Variants in GRAMD1B observed in about 807,000 individuals in gnomAD.
GRAMD1B encodes protein Aster-B.
GRAMD1B carries 37 observed loss-of-function variants against 99.7 expected under a neutral mutation model. The ratio of observed to expected loss-of-function variants is 0.37; its 90% CI spans 0.29 to 0.49. GRAMD1B has a LOEUF of 0.49. Ranked by LOEUF, GRAMD1B falls within the 20% of genes least tolerant of loss-of-function variation. The pLI is 0.98. For synonymous variants in GRAMD1B, 427 were observed against 387.6 expected, an observed-to-expected ratio of 1.10 and a Z score of -1.19; for missense variants, 888 against 1,009.2, an observed-to-expected ratio of 0.88 and a Z score of 1.63.
At chr11:123,480,129 A>G (rs1376096112) in intron 1 of GRAMD1B, among the ~76,000 whole-genome samples, 1 of 152,224 alleles carries the variant, frequency 6.6e-6, no homozygotes, top group Non-Finnish European at 1.5e-5. Context: ...CCGTATTATT[A>G]TAAGATATGA....
At chr11:123,501,810 T>C (rs1267183727) in intron 2 of GRAMD1B, among the ~76,000 whole-genome samples, 1 of 152,246 alleles carries the variant, frequency 6.6e-6, no homozygotes, top group Non-Finnish European at 1.5e-5. Flanking sequence ...TGTGTCTTAC[T>C]GATTTTGAGA....
intron 1 of GRAMD1B, among the ~76,000 whole-genome samples, chr11:123,470,319 T>A (rs766217257): frequency 1.3e-5 from 2 of 152,228 alleles, no homozygotes; most frequent in Non-Finnish European, 2.9e-5. Context: ...CAGTTACTAC[T>A]TACAAAACTG....
chr11:123,605,467 G>A lies in GRAMD1B; in HGVS notation c.1312G>A (p.Ala438Thr), dbSNP rs1443363619. ...STLTSTGSSE[A>T]PVSFDGLPLE... ...ACTAACATCCACAGGGAGCAGTGAGGCCCCCGTCTCGGTATGGGCAGTCAG... is the reference window on the plus strand; with the variant it reads ...ACTAACATCCACAGGGAGCAGTGAGACCCCCGTCTCGGTATGGGCAGTCAG... Residue 438 changes from alanine to threonine, a missense_variant, in exon 10 of 20, where the codon GCC (alanine) becomes ACC (threonine). Coordinates refer to ENST00000635736, the MANE Select transcript of GRAMD1B (RefSeq NM_001387025.1). The A allele has an allele frequency of 6.2e-7, 1 of 1,609,120 alleles. No homozygotes were observed. The highest frequency in any genetic ancestry group is 1.1e-5 in the South Asian group (1 of 90,306).
upstream of GRAMD1B, among the ~76,000 whole-genome samples, chr11:123,428,506 G>A (rs115588994): frequency 2.9e-3 from 443 of 152,306 alleles, 2 homozygotes; most frequent in African/African-American, 0.01. Flanking sequence ...GCCTGGCCTT[G>A]GCTCTTCAGC....
chr11:123,557,794 C>A (rs1946310642), intron 2 of GRAMD1B, among the ~76,000 whole-genome samples: 1 of 152,016 alleles, frequency 6.6e-6, no homozygotes, highest in Non-Finnish European at 1.5e-5. Context: ...AAAATACTAA[C>A]AATGTAAGCC....
At chr11:123,488,081 T>G (rs113961171) in intron 2 of GRAMD1B, among the ~76,000 whole-genome samples, 2 of 152,206 alleles carry the variant, frequency 1.3e-5, no homozygotes, top group African/African-American at 4.8e-5. Context: ...GTTTTCTTCA[T>G]AGACAGCTGT....
At chr11:123,460,858 T>C (rs2134485206) in intron 1 of GRAMD1B, among the ~76,000 whole-genome samples, 1 of 152,248 alleles carries the variant, frequency 6.6e-6, no homozygotes, top group Non-Finnish European at 1.5e-5. Context: ...TGCTCCTACG[T>C]TTCCTTTGTC....
intron 1 of GRAMD1B, among the ~76,000 whole-genome samples, chr11:123,380,797 C>T (rs1032858340): frequency 7.2e-5 from 11 of 152,104 alleles, no homozygotes; most frequent in African/African-American, 2.7e-4. Context: ...GCTAGTGCAC[C>T]CCCACAGCCT....
At chr11:123,501,354 A>G (rs1345835537) in intron 2 of GRAMD1B, among the ~76,000 whole-genome samples, 3 of 151,742 alleles carry the variant, frequency 2.0e-5, no homozygotes, top group Non-Finnish European at 4.4e-5. Context: ...AATTTTTACT[A>G]GAGATGCGGT....
At chr11:123,557,275 C>A (rs1179557880) in intron 2 of GRAMD1B, among the ~76,000 whole-genome samples, 1 of 152,152 alleles carries the variant, frequency 6.6e-6, no homozygotes, top group Non-Finnish European at 1.5e-5. Context: ...ATCATGAAAG[C>A]CTTGTATTCT....
At chr11:123,466,398 G>C (rs1257627490) in intron 1 of GRAMD1B, among the ~76,000 whole-genome samples, 2 of 140,426 alleles carry the variant, frequency 1.4e-5, no homozygotes, top group South Asian at 4.5e-4. Context: ...GAAAGAAAAA[G>C]AAAGAAAGGA....
upstream of GRAMD1B, among the ~76,000 whole-genome samples, chr11:123,426,891 C>T (rs1327120795): frequency 6.6e-6 from 1 of 152,180 alleles, no homozygotes; most frequent in African/African-American, 2.4e-5. Flanking sequence ...AAGTAATAGA[C>T]AGGTGTTGGG....
chr11:123,520,782 A>C (rs1942132285), intron 2 of GRAMD1B, among the ~76,000 whole-genome samples: 1 of 150,220 alleles, frequency 6.7e-6, no homozygotes, highest in Non-Finnish European at 1.5e-5. Context: ...CTGTCAAAAA[A>C]AAAAAAAAAA....
intron 2 of GRAMD1B, among the ~76,000 whole-genome samples, chr11:123,569,936 G>A (rs1947875183): frequency 6.6e-6 from 1 of 152,198 alleles, no homozygotes; most frequent in African/African-American, 2.4e-5. Flanking sequence ...GTCCCATCGG[G>A]TTCTGCCTAC....
chr11:123,382,934 C>G (rs1946931939), intron 1 of GRAMD1B, among the ~76,000 whole-genome samples: 1 of 152,172 alleles, frequency 6.6e-6, no homozygotes, highest in African/African-American at 2.4e-5. Flanking sequence ...CTGTATCCAG[C>G]CAGTGCCTCC....
chr11:123,538,070 G>T (rs143437169), intron 2 of GRAMD1B, among the ~76,000 whole-genome samples: 1 of 152,150 alleles, frequency 6.6e-6, no homozygotes, highest in East Asian at 1.9e-4. Context: ...TATGAACTAC[G>T]AATGAGCACC....
At chr11:123,406,083 C>T (rs1947846375) in intron 1 of GRAMD1B, among the ~76,000 whole-genome samples, 1 of 150,608 alleles carries the variant, frequency 6.6e-6, no homozygotes, top group East Asian at 2.0e-4. Flanking sequence ...GATGCGATCT[C>T]AGCTCTCTGC....
At chr11:123,588,877 T>C (rs1172154073) in intron 4 of GRAMD1B, among the ~76,000 whole-genome samples, 1 of 152,186 alleles carries the variant, frequency 6.6e-6, no homozygotes, top group African/African-American at 2.4e-5. Flanking sequence ...GTGTTTTGGA[T>C]TTCTGATTTT....
intron 14 of GRAMD1B, among the ~76,000 whole-genome samples, chr11:123,611,280 T>A (rs888719084): frequency 2.6e-5 from 4 of 151,452 alleles, no homozygotes; most frequent in Non-Finnish European, 4.4e-5. Flanking sequence ...TGAAAAAAAA[T>A]AAAAGTTCGC....
Sources: gnomAD v4.1 joint callset for allele counts (sites outside exome capture counted in the v4.1 genomes callset) on GRCh38, gnomAD v4.1.1 for gene constraint, MANE v1.5 for transcripts, NCBI Gene and HGNC (gene_info 2026-07-23, HGNC 2026-07-21) for gene names.